The following ENO4 variants were observed in gnomAD, a reference collection of about 807,000 sequenced individuals.
ENO4 encodes enolase 4.
Under a neutral mutation model 63.2 loss-of-function variants are expected in ENO4, and 53 were observed. The ratio of observed to expected loss-of-function variants is 0.84; its 90% CI spans 0.67 to 1.05. The LOEUF is 1.05. Among genes scored for constraint, ENO4 ranks in the 50% least tolerant of loss-of-function variants. The probability of loss-of-function intolerance (pLI) is 0.00; values close to 1 mark genes in which losing one functional copy is unlikely to be tolerated. For synonymous variants in ENO4, 266 were observed against 283.8 expected (o/e 0.94, Z 0.63); for missense variants, 719 against 772.0 (o/e 0.93, Z 0.81).
At chr10:116,855,491 G>A (rs184209769) in intron 1 of ENO4, 132 bp from the exon 2 acceptor site, 41 of 1,115,204 alleles carry the variant, frequency 3.7e-5, no homozygotes, top group African/African-American at 2.8e-4. Flanking sequence ...AAGAATACTC[G>A]CGGAGAGGTT....
chr10:116,880,223 CTCT>C (rs1846966417), intron 13 of ENO4, among the ~76,000 whole-genome samples: 1 of 152,174 alleles, frequency 6.6e-6, no homozygotes, highest in African/African-American at 2.4e-5. Flanking sequence ...CTGCACGATG[CTCT>C]TCAATAGAAT....
intron 10 of ENO4, among the ~76,000 whole-genome samples, chr10:116,893,889 A>G (rs1393856225): frequency 6.6e-6 from 1 of 152,216 alleles, no homozygotes; most frequent in East Asian, 1.9e-4. Context: ...AATCTTTCAT[A>G]GGATTAGAGA....
At chr10:116,893,571 CAT>C (rs1491495395) in intron 10 of ENO4, among the ~76,000 whole-genome samples, 16 of 147,020 alleles carry the variant, frequency 1.1e-4, no homozygotes, top group South Asian at 2.3e-4. Flanking sequence ...GATAGGCACT[CAT>C]GTGCACACAC....
At chr10:116,873,654 G>A (rs1434025980) in intron 9 of ENO4, among the ~76,000 whole-genome samples, 3 of 152,342 alleles carry the variant, frequency 2.0e-5, no homozygotes, top group African/African-American at 7.2e-5. Flanking sequence ...TTACAGTAAA[G>A]GAAACAAGTT....
chr10:116,902,992 T>C (rs1379632188), intron 10 of ENO4, among the ~76,000 whole-genome samples: 1 of 152,188 alleles, frequency 6.6e-6, no homozygotes. Context: ...ATACTCAGTA[T>C]AATAGCGTAA....
chr10:116,863,678 T>C (rs532983581), intron 7 of ENO4, among the ~76,000 whole-genome samples: 3 of 152,288 alleles, frequency 2.0e-5, no homozygotes, highest in East Asian at 3.9e-4. Context: ...CAGTGTAACA[T>C]GGAGGCACTT....
intron 9 of ENO4, among the ~76,000 whole-genome samples, chr10:116,872,115 T>G (rs1281088122): frequency 1.3e-5 from 2 of 152,194 alleles, no homozygotes; most frequent in East Asian, 3.9e-4. Flanking sequence ...AAGAATCGCT[T>G]GAACCCAGGA....
downstream of ENO4, chr10:116,886,554 G>GCTA: frequency 6.2e-7 from 1 of 1,614,090 alleles, no homozygotes; most frequent in African/African-American, 1.3e-5. Context: ...TGCATCCAAT[G>GCTA]CTACTGGGAG....
chr10:116,875,633 T>A (rs1272082126), intron 10 of ENO4, among the ~76,000 whole-genome samples: 1 of 151,870 alleles, frequency 6.6e-6, no homozygotes, highest in Admixed American at 6.6e-5. Context: ...TCATTTCATA[T>A]GATAGTCTCA....
downstream of ENO4, chr10:116,884,403 A>G: frequency 2.6e-6 from 1 of 382,394 alleles, no homozygotes; most frequent in Non-Finnish European, 5.3e-6. Context: ...CAGTGAGAGA[A>G]AGTAAGCAGC....
At chr10:116,861,890 T>C (rs1403582686) in intron 6 of ENO4, among the ~76,000 whole-genome samples, 1 of 152,192 alleles carries the variant, frequency 6.6e-6, no homozygotes, top group Non-Finnish European at 1.5e-5. Context: ...AAATAGTTAT[T>C]GCCTTACAGT....
intron 8 of ENO4, 146 bp downstream of exon 8, chr10:116,868,852 C>T (rs1283084652): frequency 1.4e-6 from 1 of 724,854 alleles, no homozygotes; most frequent in Non-Finnish European, 2.4e-6. Context: ...CAGACACCCC[C>T]AGAGCTGCAG....
At chr10:116,862,896 C>T in intron 7 of ENO4, 44 bp downstream of exon 7, 2 of 1,228,716 alleles carry the variant, frequency 1.6e-6, no homozygotes, top group Non-Finnish European at 2.3e-6. Flanking sequence ...GACACTTAGA[C>T]ACCTTCTAGC....
intron 10 of ENO4, among the ~76,000 whole-genome samples, chr10:116,903,694 G>A (rs1847843615): frequency 6.6e-6 from 1 of 152,146 alleles, no homozygotes. Context: ...GCTCTATTCT[G>A]CCCTTGGGTA....
At chr10:116,900,068 A>G (rs1288168905) in intron 10 of ENO4, among the ~76,000 whole-genome samples, 1 of 152,218 alleles carries the variant, frequency 6.6e-6, no homozygotes, top group Admixed American at 6.5e-5. Flanking sequence ...CTCAGATTCA[A>G]TCTGGATAGT....
intron 10 of ENO4, among the ~76,000 whole-genome samples, chr10:116,889,330 G>A (rs3781566): frequency 0.24 from 37,174 of 152,118 alleles, 5,005 homozygotes; most frequent in East Asian, 0.41. Context: ...TCCAAAGAAC[G>A]ATCTCCCTGT....
chr10:116,879,025 G>T (rs1055619396), intron 11 of ENO4, among the ~76,000 whole-genome samples: 18 of 152,110 alleles, frequency 1.2e-4, no homozygotes, highest in African/African-American at 4.3e-4. Flanking sequence ...TTACAGGAGT[G>T]AGCCACCGTG....
intron 1 of ENO4, among the ~76,000 whole-genome samples, chr10:116,854,577 A>C (rs1431464883): frequency 6.6e-6 from 1 of 150,844 alleles, no homozygotes; most frequent in East Asian, 2.0e-4. Context: ...AAAAAAAAAA[A>C]ATTCAGCCCA....
downstream of ENO4, chr10:116,886,360 T>C (rs1847162705): frequency 1.3e-6 from 2 of 1,553,924 alleles, no homozygotes; most frequent in African/African-American, 1.4e-5. Flanking sequence ...GTTGGAGCTG[T>C]CTGTCTCTCT....
Sources: gnomAD v4.1 joint callset for allele counts (sites outside exome capture counted in the v4.1 genomes callset) on GRCh38, gnomAD v4.1.1 for gene constraint, MANE v1.5 for transcripts, NCBI Gene and HGNC (gene_info 2026-07-23, HGNC 2026-07-21) for gene names.